MTOR: variants seen among roughly 807,000 people sequenced by gnomAD.
MTOR encodes the protein mechanistic target of rapamycin kinase, also known as serine/threonine-protein kinase mTOR.
A neutral mutation model predicts 319.8 loss-of-function variants in MTOR; 70 were observed. That is an observed-to-expected ratio of 0.22 (90% CI 0.18 to 0.27). MTOR has a LOEUF of 0.27. Among genes scored for constraint, MTOR ranks in the 10% least tolerant of loss-of-function variants. MTOR has a pLI of 1.00. For missense variants in MTOR, 1,890 were observed against 3,274.4 expected (o/e 0.58, Z 10.32); for synonymous variants, 1,183 against 1,211.4 (o/e 0.98, Z 0.49).
rs760519016 is a variant in MTOR at position 11,248,031 on chromosome 1, CTTT to C, written c.901_903del (p.Lys301del). On this transcript the variant is annotated inframe_deletion, in exon 7 of 58. Coordinates refer to ENST00000361445, the MANE Select transcript of MTOR (RefSeq NM_004958.4). ...GGTTTTGTTCCGAAGCCCATGAGAT[CTTT>C]GCAGTACTTGTCGTGTACCAGCTGC... 6.2e-7 allele frequency: 1 copy of C among 1,614,108 alleles called. No homozygotes were observed. The highest frequency in any genetic ancestry group is 1.1e-5 in the South Asian group (1 of 91,072).
intron 20 of MTOR, among the ~76,000 whole-genome samples, chr1:11,215,351 T>C (rs1365166839): frequency 6.6e-6 from 1 of 152,182 alleles, no homozygotes; most frequent in Non-Finnish European, 1.5e-5. Flanking sequence ...TAATTATTTA[T>C]ACATGTAGGG....
intron 54 of MTOR, among the ~76,000 whole-genome samples, chr1:11,112,557 C>G (rs1002083821): frequency 3.3e-5 from 5 of 152,188 alleles, no homozygotes; most frequent in African/African-American, 1.2e-4. Context: ...CACGAGAAAA[C>G]TAGATTTACT....
intron 49 of MTOR, among the ~76,000 whole-genome samples, chr1:11,119,571 G>C (rs1455566423): frequency 1.4e-5 from 1 of 71,656 alleles, no homozygotes; most frequent in Non-Finnish European, 2.2e-5. Flanking sequence ...ATTCCGTCTC[G>C]AGAAAAAAAA....
Position 11,115,005 on chromosome 1 carries a change from G to C in MTOR, c.7090-118C>G. The stretch of plus-strand genomic sequence containing the variant: ...ACTGATTTTAATTATAGCAGGGAAA[G>C]GAAGCAGCTTGGGTTTAGTGAGAGG... On this transcript the variant is annotated intron_variant, in intron 51 of 57. Coordinates refer to ENST00000361445, the MANE Select transcript of MTOR (RefSeq NM_004958.4). This position sits in a 1 kb window ranked among gnomAD's most constrained non-coding sequence, Gnocchi z 4.5. The C allele has an allele frequency of 2.4e-6, 2 of 828,854 alleles. No individual in the cohort carries two copies. Among genetic ancestry groups the C allele is most frequent in the Non-Finnish European group, 4.0e-6 (2 of 498,502 alleles). 51.3% of individuals were successfully genotyped at this position (828,854 alleles called of 1,614,324 possible).
Position 11,243,129 on chromosome 1 carries a change from T to C in MTOR, c.1397A>G (p.Lys466Arg). The C allele has an allele frequency of 1.9e-6, 3 of 1,614,166 alleles. No individual in the cohort carries two copies. Among genetic ancestry groups the C allele is most frequent in the Non-Finnish European group, 1.7e-6 (2 of 1,180,030 alleles). ...LDIIRAALPPKDFAHKRQKAM... is the reference protein window; with the variant it reads ...LDIIRAALPPRDFAHKRQKAM... The stretch of plus-strand genomic sequence containing the variant: ...AGGTGCTTACTTATGGGCGAAGTCC[T>C]TTGGGGGCAGGGCCGCTCGGATGAT... The change falls in exon 9 of 58, where the codon AAG becomes AGG. Residue 466 changes from lysine to arginine, a missense_variant. Lys to Arg is a conservative substitution (Grantham distance 26, BLOSUM62 2). Coordinates refer to ENST00000361445, the MANE Select transcript of MTOR (RefSeq NM_004958.4).
At chr1:11,252,885 C>A (rs1649878791) in intron 6 of MTOR, among the ~76,000 whole-genome samples, 1 of 152,226 alleles carries the variant, frequency 6.6e-6, no homozygotes, top group South Asian at 2.1e-4. Context: ...ATAGCTTCGT[C>A]TGGCAGCCGT....
At chr1:11,114,775 T>C (rs1051503554) in intron 52 of MTOR, 38 bp downstream of exon 52, 9 of 1,593,996 alleles carry the variant, frequency 5.6e-6, no homozygotes, top group African/African-American at 1.3e-5. Flanking sequence ...ACTGTCCTGA[T>C]CCCATTTGGA....
chr1:11,228,625 G>T (rs966507680), intron 19 of MTOR, 43 bp downstream of exon 19: 3 of 1,599,956 alleles, frequency 1.9e-6, no homozygotes, highest in East Asian at 2.2e-5. Flanking sequence ...GTGCATGTGT[G>T]GTGCAGAGGA....
chr1:11,216,098 C>T (rs534888411), intron 20 of MTOR, 50 bp downstream of exon 20: 209 of 1,374,756 alleles, frequency 1.5e-4, no homozygotes, highest in Non-Finnish European at 2.0e-4. Context: ...TGCTTCTGAG[C>T]CTTCCTTGAC....
At position 11,232,471 on chromosome 1, in the gene MTOR, T is replaced by C. The variant is rs1647051764; in HGVS notation, c.2479A>G (p.Met827Val). 1.9e-6 allele frequency: 3 copies of C among 1,614,038 alleles called. No homozygotes were observed. The highest frequency in any genetic ancestry group is 2.5e-6 in the Non-Finnish European group (3 of 1,179,916). ...VDELFIIIMD[M>V]LQDSSLLAKR... ...GCCAACAAAGAGGAATCCTGGAGCA[T>C]GTCCATGATGATAATAAAAAGTTCA... Residue 827 changes from methionine (M) to valine (V), a missense_variant, in exon 16 of 58, where the codon ATG becomes GTG. Physicochemically the swap from Met to Val is conservative, Grantham distance 21. Around this residue, in one of 15 missense-constraint regions of MTOR, gnomAD observed 377 missense variants for 653.9 expected, o/e 0.58. Transcript: ENST00000361445.
chr1:11,135,658 A>AC (rs1168364008), intron 36 of MTOR, among the ~76,000 whole-genome samples: 22 of 148,124 alleles, frequency 1.5e-4, no homozygotes, highest in East Asian at 6.0e-4. Context: ...ACATGGTGAA[A>AC]CCTGTCTCTA....
chr1:11,114,067 C>G (rs1642034068), intron 53 of MTOR, among the ~76,000 whole-genome samples: 1 of 152,150 alleles, frequency 6.6e-6, no homozygotes, highest in African/African-American at 2.4e-5. Context: ...CCCAGCCAAG[C>G]AGAACTGTGA....
chr1:11,258,144 C>A (rs1402035439), intron 3 of MTOR, among the ~76,000 whole-genome samples: 3 of 151,234 alleles, frequency 2.0e-5, no homozygotes, highest in Admixed American at 6.6e-5. Flanking sequence ...ATTAACTATA[C>A]CGATTCCACT....
chr1:11,143,088 CAAT>C (rs1419502998), intron 34 of MTOR, among the ~76,000 whole-genome samples: 1 of 152,172 alleles, frequency 6.6e-6, no homozygotes, highest in Non-Finnish European at 1.5e-5. Context: ...AGTGTGACAA[CAAT>C]GATTTCGAAA....
Position 11,139,513 on chromosome 1 carries a change from G to C in MTOR, c.4998+20C>G. 2.5e-6 allele frequency: 4 copies of C among 1,614,142 alleles called. No homozygotes were observed. The highest frequency in any genetic ancestry group is 1.1e-5 in the South Asian group (1 of 91,072). On this transcript the variant is annotated intron_variant, in intron 35 of 57. Coordinates refer to ENST00000361445, the MANE Select transcript of MTOR (RefSeq NM_004958.4). Reference sequence around the variant, plus strand: ...CCATGGGGCCCTACCTGCCCATGTGGGTGGGTGGTTGTCACTCACCAGCCT... The same window carrying C: ...CCATGGGGCCCTACCTGCCCATGTGCGTGGGTGGTTGTCACTCACCAGCCT...
intron 11 of MTOR, among the ~76,000 whole-genome samples, chr1:11,239,182 CT>C (rs1647642631): frequency 6.6e-6 from 1 of 152,130 alleles, no homozygotes; most frequent in Non-Finnish European, 1.5e-5. Flanking sequence ...CAATCCTAGC[CT>C]TTTTATATTC....
rs567363537 is a variant in MTOR, at chr1:11,130,123, CG to C, written c.5614-286del. On this transcript the variant is annotated intron_variant, in intron 39 of 57. Transcript: ENST00000361445. ...ACACCCGGATCTCTGGGCCTGCCAGCGGCCCTGGCGCATTCTGAACTGACAG... is the reference window on the plus strand; with the variant it reads ...ACACCCGGATCTCTGGGCCTGCCAGCGCCCTGGCGCATTCTGAACTGACAG... 7.9e-4 allele frequency among the ~76,000 whole-genome samples: 121 copies of C among 152,262 alleles called. 2 individuals carry two copies. In the South Asian group the frequency reaches 0.025, roughly 31 times the overall value.
chr1:11,172,079 T>C (rs946703717), intron 28 of MTOR, among the ~76,000 whole-genome samples: 2 of 149,356 alleles, frequency 1.3e-5, no homozygotes, highest in African/African-American at 2.5e-5. Context: ...CTTATCTGTA[T>C]AATATTTCCC....
chr1:11,177,904 C>A (rs182663419), intron 28 of MTOR, among the ~76,000 whole-genome samples: 111 of 152,270 alleles, frequency 7.3e-4, no homozygotes, highest in Non-Finnish European at 1.3e-3. Flanking sequence ...TTCCAAGATA[C>A]TTTTACCTGC....
Sources: gnomAD v4.1 joint callset for allele counts (sites outside exome capture counted in the v4.1 genomes callset) on GRCh38, gnomAD v4.1.1 for gene constraint, gnomAD v4.1.1 regional missense constraint, Gnocchi (gnomAD v3.1) non-coding constraint, MANE v1.5 for transcripts, NCBI Gene and HGNC (gene_info 2026-07-23, HGNC 2026-07-21) for gene names.